PCID2: variants seen among roughly 807,000 people sequenced by gnomAD.
The protein encoded by PCID2 is PCI domain containing 2, also known as PCI domain-containing protein 2.
In PCID2, 41 loss-of-function variants were observed where a neutral mutation model predicts 61.3. The observed-to-expected ratio is 0.67, with a 90% CI of 0.52 to 0.87. The LOEUF is 0.87. Ranked by LOEUF, PCID2 falls within the 40% of genes least tolerant of loss-of-function variation. The pLI is 0.00. For synonymous variants in PCID2, 187 were observed against 177.8 expected, an observed-to-expected ratio of 1.05 and a Z score of -0.41; for missense variants, 392 against 493.4, an observed-to-expected ratio of 0.79 and a Z score of 1.95.
chr13:113,198,295 A>G, intron 2 of PCID2, 31 bp from the exon 3 acceptor site: 1 of 1,329,472 alleles, frequency 7.5e-7, no homozygotes, highest in Non-Finnish European at 1.1e-6. Flanking sequence ...TAGCAAAAGT[A>G]AAATTAATAG....
At chr13:113,171,660 A>G in the PCID2 span, 15 of 1,613,996 alleles carry the variant, frequency 9.3e-6, no homozygotes, top group Non-Finnish European at 1.3e-5. The surrounding 1 kb of genome is among the most constrained non-coding windows in gnomAD (Gnocchi z 5.1). Context: ...CACATGCGGT[A>G]TGACGCGGAC....
At chr13:113,186,404 A>C (rs1030487907) in intron 7 of PCID2, 3 of 152,262 alleles carry the variant, frequency 2.0e-5, no homozygotes, top group Non-Finnish European at 2.9e-5. Context: ...ATTAACCTGG[A>C]AACAGTCACA....
intron 6 of PCID2, among the ~76,000 whole-genome samples, chr13:113,194,692 T>C (rs539598035): frequency 6.6e-6 from 1 of 152,300 alleles, no homozygotes; most frequent in East Asian, 1.9e-4. Context: ...AGCCCCCTCC[T>C]ACTGCCCAAA....
At chr13:113,194,571 G>A (rs1460130996) in intron 6 of PCID2, among the ~76,000 whole-genome samples, 1 of 152,144 alleles carries the variant, frequency 6.6e-6, no homozygotes, top group Non-Finnish European at 1.5e-5. Flanking sequence ...CTGTAAAGGG[G>A]TCGTCCTAAA....
At chr13:113,203,073 G>A (rs575924556) in intron 1 of PCID2, among the ~76,000 whole-genome samples, 1 of 152,358 alleles carries the variant, frequency 6.6e-6, no homozygotes, top group South Asian at 2.1e-4. Context: ...AACTGCTTGT[G>A]AGTGCAGTGG....
intron 10 of PCID2, 143 bp downstream of exon 10, chr13:113,180,987 C>A (rs372448536): frequency 9.2e-5 from 55 of 600,444 alleles, no homozygotes; most frequent in African/African-American, 8.6e-4. Context: ...ACAATGCATG[C>A]GCCTTCTTTA....
At chr13:113,194,145 C>A (rs1240971243) in intron 6 of PCID2, among the ~76,000 whole-genome samples, 1 of 152,200 alleles carries the variant, frequency 6.6e-6, no homozygotes, top group African/African-American at 2.4e-5. Flanking sequence ...CTCATTACTG[C>A]TAGCCCAGGG....
At chr13:113,182,655 G>A (rs921428653) in intron 9 of PCID2, among the ~76,000 whole-genome samples, 1 of 151,968 alleles carries the variant, frequency 6.6e-6, no homozygotes, top group Non-Finnish European at 1.5e-5. Context: ...ACCCACCACC[G>A]TTGCCCAGCT....
chr13:113,178,524 C>A, intron 13 of PCID2: 1 of 460,964 alleles, frequency 2.2e-6, no homozygotes. Context: ...AAAAATGCAT[C>A]TGTAATGAAC....
Position 113,179,830 on chromosome 13 carries a change from T to A in PCID2, c.986+87A>T. 1 of 1,370,962 alleles carries A rather than the reference T, an allele frequency of 7.3e-7. No homozygotes were observed. Among genetic ancestry groups the A allele is most frequent in the Non-Finnish European group, 1.0e-6 (1 of 998,786 alleles). 84.9% of individuals were successfully genotyped at this position (1,370,962 alleles called of 1,614,324 possible). Reference sequence around the variant, plus strand: ...TAACGACCCCACCCACACGGTGGCCTTCTCTCTTAGACTGCAACAGCCCTG... The same window carrying A: ...TAACGACCCCACCCACACGGTGGCCATCTCTCTTAGACTGCAACAGCCCTG... On this transcript the variant is annotated intron_variant, in intron 12 of 13. Transcript: ENST00000337344. This position sits in a 1 kb window ranked among gnomAD's most constrained non-coding sequence, Gnocchi z 4.3.
chr13:113,197,877 C>G (rs1018345457), intron 3 of PCID2, among the ~76,000 whole-genome samples: 4 of 152,188 alleles, frequency 2.6e-5, no homozygotes, highest in Non-Finnish European at 5.9e-5. Flanking sequence ...TAATTTCTTT[C>G]CCAGTAACGT....
In PCID2 at chr13:113,198,227, T is replaced by A; in HGVS notation, c.164A>T (p.Glu55Val). The A allele has an allele frequency of 6.2e-7, 1 of 1,609,452 alleles. No homozygotes were observed. Among genetic ancestry groups the A allele is most frequent in the Non-Finnish European group, 8.5e-7 (1 of 1,178,256 alleles). ...SPEEKCQQVL[E>V]PPYDEMFAAH... is the part of the protein sequence containing the mutation. ...TGCAAACATTTCATCATAAGGGGGT[T>A]CCAAGACTTGTTGACACTTCTCCTC... Residue 55 changes from glutamate (E) to valine (V), a missense_variant, in exon 3 of 14, where the codon GAA becomes GTA. Transcript: ENST00000337344.
At chr13:113,178,371 A>G in intron 13 of PCID2, 84 bp from the exon 14 acceptor site, 3 of 987,698 alleles carry the variant, frequency 3.0e-6, no homozygotes, top group Non-Finnish European at 4.8e-6. Context: ...TTAATTTGGC[A>G]TTAGCATTCT....
In PCID2 at chr13:113,178,213, C is replaced by G. The variant is rs2037282843; in HGVS notation, c.1185G>C (p.Leu395=). The change falls in exon 14 of 14, where the codon CTG becomes CTC. Residue 395 remains leucine, a synonymous_variant. Coordinates refer to ENST00000337344, the MANE Select transcript of PCID2 (RefSeq NM_001127202.4). The part of the protein sequence containing the change: ...VVSKQNPFPP[L]STVC ...CCGTGTACTTTCAACACACCGTGGA[C>G]AGGGGAGGAAATGGGTTCTGCTTGC... The G allele has an allele frequency of 6.2e-7, 1 of 1,613,192 alleles. No homozygotes were observed. Among genetic ancestry groups the G allele is most frequent in the Non-Finnish European group, 8.5e-7 (1 of 1,179,354 alleles).
downstream of PCID2, among the ~76,000 whole-genome samples, chr13:113,174,471 G>A (rs1214679839): frequency 6.6e-6 from 1 of 152,134 alleles, no homozygotes; most frequent in Admixed American, 6.5e-5. Context: ...TAAAACTCAA[G>A]AAAAGGGAAG....
At chr13:113,200,694 TTC>T in intron 1 of PCID2, 178 bp from the exon 2 acceptor site, 6 of 421,316 alleles carry the variant, frequency 1.4e-5, no homozygotes, top group East Asian at 8.6e-5. Flanking sequence ...AAACAATAAT[TTC>T]TTTTTTTTTT....
At chr13:113,200,310 T>C in intron 2 of PCID2, 117 bp downstream of exon 2, 1 of 669,446 alleles carries the variant, frequency 1.5e-6, no homozygotes. Context: ...ACTTTAAAAT[T>C]TTCAAATAAG....
chr13:113,208,223 T>G (rs1353238136), intron 1 of PCID2: 4 of 1,514,348 alleles, frequency 2.6e-6, no homozygotes, highest in African/African-American at 2.7e-5. Flanking sequence ...GGAAACAGCG[T>G]CCATCCGACA....
At chr13:113,168,061 T>G in the PCID2 span, among the ~76,000 whole-genome samples, 1 of 152,156 alleles carries the variant, frequency 6.6e-6, no homozygotes, top group African/African-American at 2.4e-5. Context: ...CATGCCCCAT[T>G]CCTCCCCTCC....
Sources: gnomAD v4.1 joint callset for allele counts (sites outside exome capture counted in the v4.1 genomes callset) on GRCh38, gnomAD v4.1.1 for gene constraint, Gnocchi (gnomAD v3.1) non-coding constraint, MANE v1.5 for transcripts, NCBI Gene and HGNC (gene_info 2026-07-23, HGNC 2026-07-21) for gene names.